The following LRRN1 variants were observed in gnomAD, a reference collection of about 807,000 sequenced individuals.
The protein encoded by LRRN1 is leucine-rich repeat neuronal protein 1.
In LRRN1, 14 loss-of-function variants were observed where a neutral mutation model predicts 45.8. That is an observed-to-expected ratio of 0.31 (90% CI 0.20 to 0.48). LRRN1 has a LOEUF of 0.48. Ranked by LOEUF, LRRN1 falls within the 20% of genes least tolerant of loss-of-function variation. The pLI, the probability that LRRN1 is intolerant of heterozygous loss-of-function variation, is 0.99. For synonymous variants in LRRN1, 359 were observed against 330.1 expected (o/e 1.09, Z -0.95); for missense variants, 789 against 874.2 (o/e 0.90, Z 1.23).
intron 1 of LRRN1, among the ~76,000 whole-genome samples, chr3:3,807,601 T>C (rs1692792705): frequency 6.6e-6 from 1 of 152,168 alleles, no homozygotes; most frequent in Non-Finnish European, 1.5e-5. Context: ...ATAATGAGTG[T>C]AAGGTTTCCT....
At chr3:3,836,976 T>A (rs1693533519) in intron 1 of LRRN1, among the ~76,000 whole-genome samples, 1 of 152,154 alleles carries the variant, frequency 6.6e-6, no homozygotes, top group Admixed American at 6.5e-5. Context: ...TTGGCCCACC[T>A]ACACAACCCA....
rs3749351 is a variant in LRRN1 at position 3,844,496 on chromosome 3, T to C, written c.-146T>C. On this transcript the variant is annotated 5_prime_UTR_variant, in exon 2 of 2. Transcript: ENST00000319331. ...TTGAAAACTCCTGAAAACCATCCCT[T>C]TGGACTCTGGAATTCTACACAGCTC... 550,903 of 667,828 alleles carry C rather than the reference T, an allele frequency of 0.82. 230,854 individuals carry two copies. Among genetic ancestry groups the C allele is most frequent in the Non-Finnish European group, 0.88 (348,749 of 397,762 alleles). 41.4% of individuals were successfully genotyped at this position (667,828 alleles called of 1,614,324 possible).
At chr3:3,824,531 ACCTG>A (rs1693174711) in intron 1 of LRRN1, among the ~76,000 whole-genome samples, 1 of 105,908 alleles carries the variant, frequency 9.4e-6, no homozygotes. Context: ...TGTTCGGCTG[ACCTG>A]ACTAATTTTT....
At chr3:3,817,511 T>A (rs1693012512) in intron 1 of LRRN1, among the ~76,000 whole-genome samples, 1 of 152,342 alleles carries the variant, frequency 6.6e-6, no homozygotes, top group South Asian at 2.1e-4. Flanking sequence ...CTTCTGTACA[T>A]CTGCCTTCAA....
At chr3:3,820,564 T>C (rs1038832982) in intron 1 of LRRN1, among the ~76,000 whole-genome samples, 14 of 152,236 alleles carry the variant, frequency 9.2e-5, no homozygotes, top group African/African-American at 3.4e-4. Context: ...GATGGAAACC[T>C]TTGCTTGCTT....
At chr3:3,824,496 T>C (rs931181153) in intron 1 of LRRN1, among the ~76,000 whole-genome samples, 1 of 151,336 alleles carries the variant, frequency 6.6e-6, no homozygotes. Context: ...TTTACTGCCA[T>C]GTTAAAAAAA....
At chr3:3,827,463 T>G (rs1425591623) in intron 1 of LRRN1, 1 of 456,556 alleles carries the variant, frequency 2.2e-6, no homozygotes. Flanking sequence ...CCTCATGGAG[T>G]AGCTACAGGC....
intron 1 of LRRN1, among the ~76,000 whole-genome samples, chr3:3,842,169 C>T (rs891215733): frequency 6.6e-6 from 1 of 152,104 alleles, no homozygotes; most frequent in African/African-American, 2.4e-5. Flanking sequence ...ACTATTAATA[C>T]AACTGTATGG....
intron 1 of LRRN1, among the ~76,000 whole-genome samples, chr3:3,825,029 C>T (rs559739095): frequency 5.3e-5 from 8 of 152,276 alleles, no homozygotes; most frequent in African/African-American, 1.4e-4. Flanking sequence ...ACTCTGAGGT[C>T]GACGTTATTC....
chr3:3,828,148 A>T (rs1443119352), intron 1 of LRRN1, among the ~76,000 whole-genome samples: 1 of 145,090 alleles, frequency 6.9e-6, no homozygotes, highest in Non-Finnish European at 1.5e-5. Flanking sequence ...ATATATATAT[A>T]TATATTATAT....
At chr3:3,811,417 C>G (rs1295219947) in intron 1 of LRRN1, among the ~76,000 whole-genome samples, 1 of 152,178 alleles carries the variant, frequency 6.6e-6, no homozygotes, top group Non-Finnish European at 1.5e-5. Flanking sequence ...TCCCTGGCAC[C>G]TATAAAAGCA....
At chr3:3,808,602 C>T (rs1692813895) in intron 1 of LRRN1, among the ~76,000 whole-genome samples, 1 of 152,040 alleles carries the variant, frequency 6.6e-6, no homozygotes, top group East Asian at 1.9e-4. Context: ...AAGAGCTGGT[C>T]GGTGGAGAAG....
rs1692605651 is a variant in LRRN1, at chr3:3,799,866, CCGT to C, written c.-331_-329del. 6.1e-6 allele frequency: 1 copy of C among 163,852 alleles called. No homozygotes were observed. The highest frequency in any genetic ancestry group is 2.4e-5 in the African/African-American group (1 of 41,338). 10.1% of individuals were successfully genotyped at this position (163,852 alleles called of 1,614,324 possible). A position where few individuals can be genotyped will look rare whatever the true frequency, so the allele number is the denominator to read the frequency against. On this transcript the variant is annotated 5_prime_UTR_variant, in exon 1 of 2. Transcript: ENST00000319331. ...CCTGCTGCTGCTGCCGCCGCCGCCG[CCGT>C]GGGTGCCGGGTCCGCGCGCACCCCA... is the stretch of plus-strand genomic sequence containing the variant.
rs1575304237 is a variant in LRRN1, at chr3:3,844,965, T to G, written c.324T>G (p.Thr108=). ...TAGATTTCTCCCAAAACAACTTTACTAACATTAAGGAGGTCGGGCTGGCAA... is the reference window on the plus strand; with the variant it reads ...TAGATTTCTCCCAAAACAACTTTACGAACATTAAGGAGGTCGGGCTGGCAA... ...TELDFSQNNF[T]NIKEVGLANL... The change falls in exon 2 of 2, where the codon ACT becomes ACG. Residue 108 remains threonine (T), a synonymous_variant. Transcript: ENST00000319331. 2.5e-6 allele frequency: 4 copies of G among 1,614,100 alleles called. No homozygotes were observed. Among genetic ancestry groups the G allele is most frequent in the African/African-American group, 1.3e-5 (1 of 75,046 alleles).
rs1192363134 is a variant in LRRN1, at chr3:3,816,706, A to C, written c.-279+16787A>C. Among the ~76,000 whole-genome samples the C allele has an allele frequency of 6.6e-6, 1 of 152,226 alleles. No individual in the cohort carries two copies. Among genetic ancestry groups the C allele is most frequent in the South Asian group, 2.1e-4 (1 of 4,838 alleles). ...GTCAAACAGAAAATTAAATTTGCAC[A>C]TTCCCTGAGCCTAATGCTCTAGTTA... On this transcript the variant is annotated intron_variant, in intron 1 of 1. Transcript: ENST00000319331. This position sits in a 1 kb window ranked among gnomAD's most constrained non-coding sequence, Gnocchi z 4.0.
Position 3,846,156 on chromosome 3 carries a change from AG to A in LRRN1, c.1519del (p.Ala507GlnfsTer21). On this transcript the variant is annotated frameshift_variant, in exon 2 of 2. Coordinates refer to ENST00000319331, the MANE Select transcript of LRRN1 (RefSeq NM_020873.7). LOFTEE classifies it high-confidence loss of function. The surrounding 1 kb of genome is among the most constrained non-coding windows in gnomAD (Gnocchi z 5.7). ...ACACATGTGTTGCCCAGAATGTCCAAGGGGCAGACACTCGGGTGGCAACAAT... is the reference window on the plus strand; with the variant it reads ...ACACATGTGTTGCCCAGAATGTCCAAGGGCAGACACTCGGGTGGCAACAAT... Reference protein sequence around the residue: ...RYTCVAQNVQGADTRVATIKV... With the variant: ...RYTCVAQNVQXADTRVATIKV... The A allele has an allele frequency of 6.2e-7, 1 of 1,614,164 alleles. No individual in the cohort carries two copies. The highest frequency in any genetic ancestry group is 8.5e-7 in the Non-Finnish European group (1 of 1,180,036).
At chr3:3,800,272 G>A (rs1692618558) in intron 1 of LRRN1, among the ~76,000 whole-genome samples, 1 of 152,078 alleles carries the variant, frequency 6.6e-6, no homozygotes, top group Admixed American at 6.5e-5. Context: ...GAGGTGCCCG[G>A]GGACGGGGAG....
Position 3,845,266 on chromosome 3 carries a change from A to G in LRRN1, c.625A>G (p.Met209Val), listed in dbSNP as rs373114312. ...GENPVIGILD[M>V]NFKPLANLRS... Reference sequence around the variant, plus strand: ...AAACCCTGTGATTGGAATTCTGGATATGAACTTCAAACCCCTCGCAAATTT... The same window carrying G: ...AAACCCTGTGATTGGAATTCTGGATGTGAACTTCAAACCCCTCGCAAATTT... The change falls in exon 2 of 2, where the codon ATG becomes GTG. Residue 209 changes from methionine to valine, a missense_variant. Met to Val is a conservative substitution (Grantham distance 21). Transcript: ENST00000319331. This position sits in a 1 kb window ranked among gnomAD's most constrained non-coding sequence, Gnocchi z 6.5. 86 of 1,614,066 alleles carry G rather than the reference A, an allele frequency of 5.3e-5. No homozygotes were observed. The highest frequency in any genetic ancestry group is 1.6e-4 in the Middle Eastern group (1 of 6,082).
At chr3:3,813,323 CATA>C (rs1485123024) in intron 1 of LRRN1, among the ~76,000 whole-genome samples, 2 of 152,206 alleles carry the variant, frequency 1.3e-5, no homozygotes, top group South Asian at 2.1e-4. Flanking sequence ...AATTATGGTT[CATA>C]ATATTAGATC....
Sources: gnomAD v4.1 joint callset for allele counts (sites outside exome capture counted in the v4.1 genomes callset) on GRCh38, gnomAD v4.1.1 for gene constraint, Gnocchi (gnomAD v3.1) non-coding constraint, MANE v1.5 for transcripts, NCBI Gene and HGNC (gene_info 2026-07-23, HGNC 2026-07-21) for gene names.